CCSER1: variants seen among roughly 807,000 people sequenced by gnomAD.
CCSER1 encodes coiled-coil serine rich protein 1.
In CCSER1, 41 loss-of-function variants were observed where a neutral mutation model predicts 82.0. That is an observed-to-expected ratio of 0.50 (90% CI 0.39 to 0.65). CCSER1 has a LOEUF of 0.65. CCSER1 is among the 30% of genes least tolerant of loss of function. The pLI is 0.00. For missense variants in CCSER1, 1,119 were observed against 1,064.2 expected, an observed-to-expected ratio of 1.05 and a Z score of -0.72; for synonymous variants, 414 against 383.9, an observed-to-expected ratio of 1.08 and a Z score of -0.92.
At chr4:90,659,083 G>GAT (rs1730266633) in intron 6 of CCSER1, among the ~76,000 whole-genome samples, 1 of 68,684 alleles carries the variant, frequency 1.5e-5, no homozygotes. Flanking sequence ...ATATGAGAGG[G>GAT]CTTTTTTTTT....
chr4:90,265,440 G>A (rs1054768415), intron 1 of CCSER1, among the ~76,000 whole-genome samples: 2 of 151,618 alleles, frequency 1.3e-5, no homozygotes, highest in African/African-American at 4.8e-5. Context: ...TATTAGGACT[G>A]GTTAATATTT....
At chr4:91,569,237 G>A (rs1463367920) in intron 10 of CCSER1, among the ~76,000 whole-genome samples, 2 of 152,152 alleles carry the variant, frequency 1.3e-5, no homozygotes, top group African/African-American at 4.8e-5. Flanking sequence ...TTGCAGCCAT[G>A]TTCCTTCTCA....
rs547681088 is a variant in CCSER1, at chr4:90,298,439, A to C, written c.-41-9805A>C. ...ATCAATTTTGTTGATCCTTTCAAAA[A>C]ACCAGCTCCTGGATTCATTAATTTT... is the stretch of plus-strand genomic sequence containing the variant. On this transcript the variant is annotated intron_variant, in intron 1 of 10. Transcript: ENST00000509176. Among the ~76,000 whole-genome samples the C allele has an allele frequency of 5.9e-4, 89 of 151,234 alleles. 1 individual carries two copies. The East Asian group carries it at 0.016, about 28-fold the overall frequency.
At chr4:90,953,391 A>C (rs879532156) in intron 9 of CCSER1, among the ~76,000 whole-genome samples, 1 of 151,622 alleles carries the variant, frequency 6.6e-6, no homozygotes, top group Admixed American at 6.6e-5. Context: ...AAAATGTTCT[A>C]TTTTACAATG....
At chr4:91,473,097 A>G (rs1379915768) in intron 10 of CCSER1, among the ~76,000 whole-genome samples, 1 of 152,148 alleles carries the variant, frequency 6.6e-6, no homozygotes, top group Non-Finnish European at 1.5e-5. Flanking sequence ...ACATGGTATT[A>G]GGGGGAACAT....
At position 90,257,657 on chromosome 4, in the gene CCSER1, A is replaced by G. The variant is rs28561574; in HGVS notation, c.-41-50587A>G. Among the ~76,000 whole-genome samples the G allele has an allele frequency of 6.8e-3, 1,034 of 152,310 alleles. 9 individuals carry two copies. Among genetic ancestry groups the G allele is most frequent in the African/African-American group, 0.024 (1,000 of 41,562 alleles). On this transcript the variant is annotated intron_variant, in intron 1 of 10. Coordinates refer to ENST00000509176, the MANE Select transcript of CCSER1 (RefSeq NM_001145065.2). ...ATACTTAAGTAAATGTTTATTTATT[A>G]TAAGGAATTGGCTCACACGATTATG...
chr4:90,995,174 A>G (rs1737385386), intron 9 of CCSER1, among the ~76,000 whole-genome samples: 1 of 152,188 alleles, frequency 6.6e-6, no homozygotes, highest in South Asian at 2.1e-4. Flanking sequence ...TAAGTTCTTC[A>G]AGGGCAGAGA....
At chr4:90,367,552 A>C (rs2153522255) in intron 3 of CCSER1, among the ~76,000 whole-genome samples, 1 of 152,060 alleles carries the variant, frequency 6.6e-6, no homozygotes, top group African/African-American at 2.4e-5. Context: ...TAAGTAAAGG[A>C]AGAAAGAATT....
chr4:90,409,633 C>G (rs1754364150), intron 4 of CCSER1, among the ~76,000 whole-genome samples: 1 of 152,048 alleles, frequency 6.6e-6, no homozygotes, highest in Admixed American at 6.6e-5. Context: ...GAAGGAAGCA[C>G]TAAACATGGA....
At chr4:90,638,927 G>GT (rs1725969290) in intron 6 of CCSER1, among the ~76,000 whole-genome samples, 1 of 152,042 alleles carries the variant, frequency 6.6e-6, no homozygotes, top group Non-Finnish European at 1.5e-5. Context: ...TATAGCTACT[G>GT]TAAGTTGATT....
intron 7 of CCSER1, among the ~76,000 whole-genome samples, chr4:90,768,358 G>A (rs930284693): frequency 1.3e-5 from 2 of 152,182 alleles, no homozygotes; most frequent in Non-Finnish European, 2.9e-5. Context: ...TACTGAGCTG[G>A]AGGCACCAAC....
chr4:90,274,356 T>C (rs1163098911), intron 1 of CCSER1, among the ~76,000 whole-genome samples: 1 of 152,210 alleles, frequency 6.6e-6, no homozygotes, highest in Non-Finnish European at 1.5e-5. Flanking sequence ...AAATAGCTCA[T>C]TAAAGACATA....
Position 90,243,569 on chromosome 4 carries a change from GGAGGT to G in CCSER1, c.-41-64673_-41-64669del, listed in dbSNP as rs1476663911. ...GCCATGTTTTTATTTTTTATTTTGGGGAGGTGGGGGGTCTTGCTTTGTTGCCCAGG... is the reference window on the plus strand; with the variant it reads ...GCCATGTTTTTATTTTTTATTTTGGGGGGGGGTCTTGCTTTGTTGCCCAGG... On this transcript the variant is annotated intron_variant, in intron 1 of 10. Coordinates refer to ENST00000509176, the MANE Select transcript of CCSER1 (RefSeq NM_001145065.2). 3.4e-5 allele frequency among the ~76,000 whole-genome samples: 5 copies of G among 146,142 alleles called. 1 individual carries two copies. The highest frequency in any genetic ancestry group is 8.1e-5 in the African/African-American group (3 of 37,042).
chr4:90,506,775 A>T (rs1162880290), intron 5 of CCSER1, among the ~76,000 whole-genome samples: 1 of 151,970 alleles, frequency 6.6e-6, no homozygotes, highest in Non-Finnish European at 1.5e-5. Context: ...CAAAAAAAAA[A>T]AAAATAAATA....
chr4:91,367,882 C>T (rs1471791516), intron 10 of CCSER1, among the ~76,000 whole-genome samples: 1 of 152,096 alleles, frequency 6.6e-6, no homozygotes, highest in African/African-American at 2.4e-5. Flanking sequence ...GTATGTCAGT[C>T]ATTCTCAAGA....
At chr4:90,907,878 TTGTCA>T (rs551016263) in intron 8 of CCSER1, among the ~76,000 whole-genome samples, 58 of 152,288 alleles carry the variant, frequency 3.8e-4, no homozygotes, top group African/African-American at 1.4e-3. Flanking sequence ...TTTGCTGGAC[TTGTCA>T]TGTCATCAAT....
chr4:91,161,117 A>C (rs1034248194), intron 10 of CCSER1, among the ~76,000 whole-genome samples: 2 of 152,168 alleles, frequency 1.3e-5, no homozygotes, highest in Admixed American at 6.5e-5. Context: ...AGCTTTCCAC[A>C]TATGGCTAAC....
At chr4:91,520,641 A>C (rs1760409142) in intron 10 of CCSER1, among the ~76,000 whole-genome samples, 1 of 152,112 alleles carries the variant, frequency 6.6e-6, no homozygotes, top group African/African-American at 2.4e-5. Context: ...ATATGGATTC[A>C]AGTTACTGTC....
chr4:90,860,967 A>T (rs377269008), intron 8 of CCSER1, among the ~76,000 whole-genome samples: 2 of 151,604 alleles, frequency 1.3e-5, no homozygotes, highest in African/African-American at 4.8e-5. Flanking sequence ...TGACTATACT[A>T]AAAACCACTG....
Sources: allele counts gnomAD v4.1 joint callset (sites outside exome capture counted in the v4.1 genomes callset), GRCh38; gene constraint gnomAD v4.1.1; transcripts MANE v1.5; gene names NCBI Gene and HGNC (gene_info 2026-07-23, HGNC 2026-07-21).